Variants in VIT observed in about 807,000 individuals in gnomAD.
VIT encodes the protein vitrin.
VIT carries 99 observed loss-of-function variants against 78.0 expected under a neutral mutation model. That is an observed-to-expected ratio of 1.27 (90% CI 1.08 to 1.50). The LOEUF is 1.50. VIT is among the 40% of genes most tolerant of loss of function. The pLI is 0.00. For missense variants in VIT, 1,126 were observed against 875.3 expected, an observed-to-expected ratio of 1.29 and a Z score of -3.61; for synonymous variants, 374 against 334.3, an observed-to-expected ratio of 1.12 and a Z score of -1.29.
chr2:36,758,051 G>A (rs193142460), intron 5 of VIT, among the ~76,000 whole-genome samples: 40 of 152,118 alleles, frequency 2.6e-4, no homozygotes, highest in Admixed American at 1.8e-3. Context: ...TACCATCTTC[G>A]CATCCTGTAA....
At position 36,814,407 on chromosome 2, in the gene VIT, C is replaced by G; in HGVS notation, c.*46C>G. On this transcript the variant is annotated 3_prime_UTR_variant, in exon 16 of 16. Coordinates refer to ENST00000379242, the MANE Select transcript of VIT (RefSeq NM_053276.4). ...CAGCAAGTGCTGCTTTACTAACTGA[C>G]GTGTTGGACCACCCCACCGCTTAAT... 6.2e-7 allele frequency: 1 copy of G among 1,604,298 alleles called. No homozygotes were observed. The highest frequency in any genetic ancestry group is 8.5e-7 in the Non-Finnish European group (1 of 1,174,650).
At chr2:36,812,867 T>C (rs1667279049) in intron 15 of VIT, among the ~76,000 whole-genome samples, 1 of 147,298 alleles carries the variant, frequency 6.8e-6, no homozygotes, top group African/African-American at 2.5e-5. Flanking sequence ...TCTTCTTTTT[T>C]TTTTTTTTTT....
At chr2:36,707,352 C>A (rs1228293502) in intron 1 of VIT, among the ~76,000 whole-genome samples, 1 of 152,150 alleles carries the variant, frequency 6.6e-6, no homozygotes, top group Admixed American at 6.5e-5. Context: ...TGGCAGCCAG[C>A]AGACCCCCAA....
At chr2:36,734,600 G>A (rs1218399154) in intron 3 of VIT, among the ~76,000 whole-genome samples, 1 of 152,182 alleles carries the variant, frequency 6.6e-6, no homozygotes, top group African/African-American at 2.4e-5. Context: ...GGGAGAAGGA[G>A]AAGAGCATAA....
Position 36,808,557 on chromosome 2 carries a change from G to T in VIT, c.1475G>T (p.Arg492Leu). Residue 492 changes from arginine (R) to leucine (L), a missense_variant, in exon 15 of 16, where the codon CGG (arginine) becomes CTG (leucine). Physicochemically the swap from Arg to Leu is moderately radical, Grantham distance 102 (BLOSUM62 -2). Coordinates refer to ENST00000379242, the MANE Select transcript of VIT (RefSeq NM_053276.4). ...LHKTLQPLVK[R>L]VCDTDRLACS... ...AAGACCCTGCAGCCTCTGGTGAAGC[G>T]GGTCTGCGACACTGACCGCCTGGCC... 5.6e-6 allele frequency: 9 copies of T among 1,614,108 alleles called. No individual in the cohort carries two copies. The highest frequency in any genetic ancestry group is 7.6e-6 in the Non-Finnish European group (9 of 1,180,040).
chr2:36,770,980 G>A (rs1436650828), intron 7 of VIT, among the ~76,000 whole-genome samples: 3 of 152,202 alleles, frequency 2.0e-5, no homozygotes, highest in Non-Finnish European at 4.4e-5. Context: ...GCGGGAGAAA[G>A]TGAAATTTGA....
chr2:36,746,045 CTG>C (rs1668114063), intron 4 of VIT, among the ~76,000 whole-genome samples: 1 of 152,100 alleles, frequency 6.6e-6, no homozygotes, highest in South Asian at 2.1e-4. Flanking sequence ...AAAGCTTTTT[CTG>C]TGTCTATTGA....
At chr2:36,758,347 G>A (rs1441489664) in intron 5 of VIT, among the ~76,000 whole-genome samples, 2 of 152,176 alleles carry the variant, frequency 1.3e-5, no homozygotes, top group East Asian at 1.9e-4. Context: ...ACCATATGGT[G>A]GAATTTCAGG....
chr2:36,722,015 A>G (rs1666544983), intron 2 of VIT, among the ~76,000 whole-genome samples: 1 of 152,234 alleles, frequency 6.6e-6, no homozygotes, highest in African/African-American at 2.4e-5. Context: ...CACTCAATAA[A>G]TATTTCTAAA....
chr2:36,709,334 C>T (rs1418043626), intron 1 of VIT, among the ~76,000 whole-genome samples: 6 of 152,168 alleles, frequency 3.9e-5, no homozygotes, highest in African/African-American at 1.4e-4. Flanking sequence ...CCTTTGCATG[C>T]TTCCAATTCC....
At chr2:36,809,375 G>A (rs998144441) in intron 15 of VIT, among the ~76,000 whole-genome samples, 4 of 152,142 alleles carry the variant, frequency 2.6e-5, no homozygotes, top group Non-Finnish European at 5.9e-5. Context: ...ATGTCAAATT[G>A]TACTGGTACT....
At chr2:36,811,617 G>C (rs959454566) in intron 15 of VIT, among the ~76,000 whole-genome samples, 2 of 151,998 alleles carry the variant, frequency 1.3e-5, no homozygotes, top group South Asian at 2.1e-4. Flanking sequence ...TGTACAACAA[G>C]AGTGGACTTG....
intron 14 of VIT, among the ~76,000 whole-genome samples, chr2:36,807,704 A>T (rs1158519226): frequency 1.3e-5 from 2 of 152,200 alleles, no homozygotes; most frequent in East Asian, 1.9e-4. Flanking sequence ...GGAGCGCAAC[A>T]ATCAGTTTGC....
chr2:36,811,068 G>A (rs757945944), intron 15 of VIT, among the ~76,000 whole-genome samples: 19 of 152,212 alleles, frequency 1.2e-4, no homozygotes, highest in Non-Finnish European at 1.9e-4. Context: ...CAGAGACGGG[G>A]TTCAGGCAGA....
intron 4 of VIT, among the ~76,000 whole-genome samples, chr2:36,747,651 G>A (rs189199243): frequency 1.5e-4 from 23 of 152,146 alleles, no homozygotes; most frequent in East Asian, 7.7e-4. Context: ...GTGTTATTAC[G>A]TGTGAGATGG....
chr2:36,790,917 C>CA (rs1269315396), intron 12 of VIT, among the ~76,000 whole-genome samples: 1 of 94 alleles, frequency 0.011, no homozygotes, highest in Non-Finnish European at 0.017. Flanking sequence ...AAAGAACAGC[C>CA]AGGCAAGCCA....
Position 36,716,534 on chromosome 2 carries a change from T to C in VIT, c.52+112T>C, listed in dbSNP as rs1666148054. ...GACAGAGCATATAAACAATACAGTG[T>C]ATCATTTTATAAGAAACATTTTGAA... On this transcript the variant is annotated intron_variant, in intron 2 of 15. Transcript: ENST00000379242. 16 of 825,254 alleles carry C rather than the reference T, an allele frequency of 1.9e-5. No individual in the cohort carries two copies. In the Admixed American group the frequency reaches 4.2e-4, roughly 22 times the overall value. The allele number at this position is 825,254 out of a possible 1,614,324, so 51.1% of individuals were successfully genotyped here.
chr2:36,702,408 T>A (rs4670593), intron 1 of VIT, among the ~76,000 whole-genome samples: 53,655 of 145,300 alleles, frequency 0.37, 10,126 homozygotes, highest in Middle Eastern at 0.53. Context: ...TCAGAGGATT[T>A]TTTTTTTTAA....
intron 4 of VIT, among the ~76,000 whole-genome samples, chr2:36,753,298 A>C (rs767336842): frequency 1.3e-5 from 2 of 152,120 alleles, no homozygotes; most frequent in African/African-American, 4.8e-5. Flanking sequence ...TGTGCAGCAA[A>C]AACACCATGG....
Sources: allele counts gnomAD v4.1 joint callset (sites outside exome capture counted in the v4.1 genomes callset), GRCh38; gene constraint gnomAD v4.1.1; transcripts MANE v1.5; gene names NCBI Gene and HGNC (gene_info 2026-07-23, HGNC 2026-07-21).